Variants in SPATA9 observed in about 807,000 individuals in gnomAD.
SPATA9 encodes spermatogenesis associated 9, also known as spermatogenesis-associated protein 9.
A neutral mutation model predicts 25.5 loss-of-function variants in SPATA9; 27 were observed. That is an observed-to-expected ratio of 1.06 (90% CI 0.78 to 1.46). The LOEUF (loss-of-function observed/expected upper bound fraction) is 1.46, where lower values mean the gene tolerates loss of function less well. Among genes scored for constraint, SPATA9 ranks in the 40% most tolerant of loss-of-function variants. The pLI is 0.00. For synonymous variants in SPATA9, 102 were observed against 105.7 expected (o/e 0.97, Z 0.21); for missense variants, 282 against 297.5 (o/e 0.95, Z 0.38).
the SPATA9 span, among the ~76,000 whole-genome samples, chr5:95,716,135 A>C: frequency 1.3e-5 from 2 of 152,234 alleles, no homozygotes; most frequent in Non-Finnish European, 2.9e-5. Flanking sequence ...CCCCACACAG[A>C]GACCCCACTG....
At position 95,679,313 on chromosome 5, in the gene SPATA9, C is replaced by T. The variant is rs116735969; in HGVS notation, c.150+3215G>A. Among the ~76,000 whole-genome samples the T allele has an allele frequency of 1.9e-3, 287 of 152,286 alleles. 2 individuals are homozygous for T. Among genetic ancestry groups the T allele is most frequent in the African/African-American group, 6.7e-3 (279 of 41,556 alleles). On this transcript the variant is annotated intron_variant, in intron 2 of 4. Transcript: ENST00000274432. ...CTGGCCTGAGCTATTTGACATTGAC[C>T]AGGCATGTACATCTGCCCATCTCTT...
chr5:95,689,805 C>A (rs1753837706), intron 1 of SPATA9, among the ~76,000 whole-genome samples: 1 of 151,886 alleles, frequency 6.6e-6, no homozygotes, highest in Admixed American at 6.6e-5. Flanking sequence ...CAATGAGGTA[C>A]CAGATAAAGA....
chr5:95,701,724 C>T (rs1754182401), upstream of SPATA9, among the ~76,000 whole-genome samples: 1 of 151,672 alleles, frequency 6.6e-6, no homozygotes, highest in Non-Finnish European at 1.5e-5. Context: ...TAGAAAATCC[C>T]TATAAGTAAG....
chr5:95,657,169 C>CT (rs1470583996), downstream of SPATA9: 2 of 152,194 alleles, frequency 1.3e-5, no homozygotes, highest in Non-Finnish European at 2.9e-5. Context: ...GTAGGCACAA[C>CT]TAAGTGTCTC....
downstream of SPATA9, chr5:95,657,461 A>G (rs889679378): frequency 3.3e-5 from 5 of 151,966 alleles, no homozygotes; most frequent in Non-Finnish European, 7.4e-5. Context: ...AAATGAGTAG[A>G]TGATGAATTC....
At chr5:95,693,222 A>G (rs2545636) in intron 1 of SPATA9, among the ~76,000 whole-genome samples, 86,472 of 152,090 alleles carry the variant, frequency 0.57, 24,769 homozygotes, top group East Asian at 0.8. Flanking sequence ...AGCTGTGATC[A>G]CTGCTTCCAA....
intron 4 of SPATA9, 44 bp downstream of exon 4, chr5:95,663,905 CAAAA>C (rs769532417): frequency 8.1e-6 from 9 of 1,111,390 alleles, no homozygotes; most frequent in Non-Finnish European, 1.2e-5. Context: ...TAACATTACA[CAAAA>C]TAAGTAGATT....
At chr5:95,653,951 C>G, downstream of SPATA9, 1 of 712,284 alleles carries the variant, frequency 1.4e-6, no homozygotes, top group Non-Finnish European at 2.3e-6. Flanking sequence ...CAGAAAGTGC[C>G]TCCATTAATC....
chr5:95,722,557 C>T, the SPATA9 span, among the ~76,000 whole-genome samples: 104 of 152,202 alleles, frequency 6.8e-4, no homozygotes, highest in African/African-American at 2.4e-3. Context: ...GTGGCGTGAC[C>T]TCGGCTCACG....
the SPATA9 span, chr5:95,713,745 T>C: frequency 1.3e-5 from 2 of 152,132 alleles, no homozygotes; most frequent in African/African-American, 2.4e-5. Context: ...TTCTCATTCC[T>C]TTCATCATTT....
intron 4 of SPATA9, among the ~76,000 whole-genome samples, chr5:95,659,972 G>A (rs1290659338): frequency 6.6e-6 from 1 of 152,062 alleles, no homozygotes; most frequent in African/African-American, 2.4e-5. Context: ...TGATAGTATT[G>A]TGATGCTTGA....
downstream of SPATA9, chr5:95,657,969 G>T (rs1422234909): frequency 6.6e-6 from 1 of 152,146 alleles, no homozygotes; most frequent in Non-Finnish European, 1.5e-5. Flanking sequence ...AATAATTACA[G>T]AAATATTTTC....
chr5:95,664,137 T>C, intron 3 of SPATA9, 89 bp from the exon 4 acceptor site: 2 of 675,844 alleles, frequency 3.0e-6, no homozygotes, highest in Admixed American at 3.9e-5. Context: ...AATGAGAATT[T>C]ATTTTTTTCT....
At chr5:95,730,420 A>G in the SPATA9 span, among the ~76,000 whole-genome samples, 1 of 152,220 alleles carries the variant, frequency 6.6e-6, no homozygotes, top group Non-Finnish European at 1.5e-5. Flanking sequence ...TGGTGTTAGT[A>G]AGTGGATCCC....
At chr5:95,732,037 A>C in the SPATA9 span, 1 of 1,614,038 alleles carries the variant, frequency 6.2e-7, no homozygotes, top group East Asian at 2.2e-5. Flanking sequence ...GTATCAGGCC[A>C]GTGCGTTTGG....
chr5:95,697,729 G>C (rs1011277281), intron 1 of SPATA9, among the ~76,000 whole-genome samples: 2 of 152,132 alleles, frequency 1.3e-5, no homozygotes, highest in East Asian at 3.8e-4. Context: ...TTTATCATTG[G>C]CAATAAACAC....
chr5:95,716,017 C>T, the SPATA9 span, among the ~76,000 whole-genome samples: 1 of 152,146 alleles, frequency 6.6e-6, no homozygotes, highest in East Asian at 1.9e-4. Context: ...TCACTGTCCA[C>T]CAGAACTGGC....
At position 95,682,932 on chromosome 5, in the gene SPATA9, G is replaced by A; in HGVS notation, c.-78C>T. The A allele has an allele frequency of 7.1e-7, 1 of 1,416,878 alleles. No individual in the cohort carries two copies. The highest frequency in any genetic ancestry group is 9.2e-7 in the Non-Finnish European group (1 of 1,083,330). 87.8% of individuals were successfully genotyped at this position (1,416,878 alleles called of 1,614,324 possible). A position where few individuals can be genotyped will look rare whatever the true frequency, so the allele number is the denominator to read the frequency against. On this transcript the variant is annotated 5_prime_UTR_variant, in exon 1 of 5. Transcript: ENST00000274432. ...ATGCTTGTCCTAGTCTGCCATTAGT[G>A]AAAGATGAGGGTAGCCTTCCACTTG...
intron 1 of SPATA9, among the ~76,000 whole-genome samples, chr5:95,697,833 G>A (rs1754073823): frequency 1.3e-5 from 2 of 151,596 alleles, no homozygotes; most frequent in African/African-American, 4.8e-5. Flanking sequence ...ATAGTTGGGT[G>A]TTTTTGTCAG....
Sources: allele counts gnomAD v4.1 joint callset (sites outside exome capture counted in the v4.1 genomes callset), GRCh38; gene constraint gnomAD v4.1.1; transcripts MANE v1.5; gene names NCBI Gene and HGNC (gene_info 2026-07-23, HGNC 2026-07-21).